WIPI1: variants seen among roughly 807,000 people sequenced by gnomAD.
WIPI1 encodes the protein WD repeat domain, phosphoinositide interacting 1.
WIPI1 carries 45 observed loss-of-function variants against 55.3 expected under a neutral mutation model. The ratio of observed to expected loss-of-function variants is 0.81; its 90% CI spans 0.64 to 1.04. WIPI1 has a LOEUF of 1.04. Ranked by LOEUF, WIPI1 falls within the 50% of genes least tolerant of loss-of-function variation. The pLI is 0.00. For synonymous variants in WIPI1, 195 were observed against 217.6 expected (o/e 0.90, Z 0.92); for missense variants, 445 against 559.0 (o/e 0.80, Z 2.06).
In WIPI1 at chr17:68,450,718, C is replaced by T; in HGVS notation, c.333+10G>A. 1 of 1,602,042 alleles carries T rather than the reference C, an allele frequency of 6.2e-7. No individual in the cohort carries two copies. The highest frequency in any genetic ancestry group is 1.1e-5 in the South Asian group (1 of 89,078). ...GAAGCTTTGAAACCCTGAGGGATTT[C>T]CCCACTTACTTGCCGGTTCAGCCTT... On this transcript the variant is annotated intron_variant, in intron 3 of 12. Transcript: ENST00000262139.
rs370623232 is a variant in WIPI1 at position 68,426,070 on chromosome 17, C to T, written c.1293+5G>A. 6.2e-7 allele frequency: 1 copy of T among 1,612,768 alleles called. No individual in the cohort carries two copies. The highest frequency in any genetic ancestry group is 1.7e-5 in the Admixed American group (1 of 60,026). On this transcript the variant is annotated splice_donor_5th_base_variant and intron_variant, in intron 12 of 12. Coordinates refer to ENST00000262139, the MANE Select transcript of WIPI1 (RefSeq NM_017983.7). ...GCCGCCCAGTTACGGGTTCCTAATG[C>T]TCACAGGAGGAAACTCATTCTCATC...
chr17:68,421,505 C>G lies in WIPI1; in HGVS notation c.*268G>C. 2.1e-6 allele frequency: 1 copy of G among 473,050 alleles called. No homozygotes were observed. Among genetic ancestry groups the G allele is most frequent in the East Asian group, 3.4e-5 (1 of 29,658 alleles). 29.3% of individuals were successfully genotyped at this position (473,050 alleles called of 1,614,324 possible). On this transcript the variant is annotated 3_prime_UTR_variant, in exon 13 of 13. Transcript: ENST00000262139. ...TTTAATATAAAATTCCGGTTATATA[C>G]CAATATGGTTAATTAGCATTTACAC...
intron 12 of WIPI1, chr17:68,422,039 G>A: frequency 1.7e-6 from 1 of 587,900 alleles, no homozygotes; most frequent in Non-Finnish European, 3.0e-6. Context: ...CTATAAAAAT[G>A]TCTCTGTGTG....
chr17:68,426,043 G>A, intron 12 of WIPI1, 32 bp downstream of exon 12: 1 of 1,590,440 alleles, frequency 6.3e-7, no homozygotes, highest in Non-Finnish European at 8.6e-7. Context: ...CACACAGACT[G>A]AGCCGCCCAG....
intron 11 of WIPI1, 79 bp from the exon 12 acceptor site, chr17:68,426,254 G>GCCCCC: frequency 2.4e-6 from 2 of 816,910 alleles, no homozygotes; most frequent in Non-Finnish European, 3.9e-6. Context: ...GGGAGCGGGG[G>GCCCCC]CTCAAATAAA....
At chr17:68,450,636 G>C in intron 3 of WIPI1, 92 bp downstream of exon 3, 1 of 1,476,184 alleles carries the variant, frequency 6.8e-7, no homozygotes, top group Non-Finnish European at 9.1e-7. Context: ...TTGGAAGCTT[G>C]TTTTACAGAC....
chr17:68,428,041 A>G (rs11077553), intron 10 of WIPI1, among the ~76,000 whole-genome samples: 121,062 of 151,928 alleles, frequency 0.8, 48,291 homozygotes, highest in African/African-American at 0.83. Context: ...CAAGGCATGT[A>G]CCACCATGCC....
chr17:68,450,585 C>A, intron 3 of WIPI1, 143 bp downstream of exon 3: 2 of 1,123,212 alleles, frequency 1.8e-6, no homozygotes, highest in Non-Finnish European at 2.5e-6. Flanking sequence ...TTTACAATAC[C>A]CCCGGGACAC....
In WIPI1 at chr17:68,457,480, GC is replaced by G. The variant is rs1409761226; in HGVS notation, c.-60del. On this transcript the variant is annotated 5_prime_UTR_variant, in exon 1 of 13. Coordinates refer to ENST00000262139, the MANE Select transcript of WIPI1 (RefSeq NM_017983.7). Reference sequence around the variant, plus strand: ...CCGGCGACAGCCACCTCAGCAGCCCGCCCGCGCCGGCTCCACGGGCCGGGTC... The same window carrying G: ...CCGGCGACAGCCACCTCAGCAGCCCGCCGCGCCGGCTCCACGGGCCGGGTC... The G allele has an allele frequency of 7.5e-7, 1 of 1,340,450 alleles. No homozygotes were observed. The highest frequency in any genetic ancestry group is 4.2e-5 in the Admixed American group (1 of 24,004). The allele number at this position is 1,340,450 out of a possible 1,614,324, so 83.0% of individuals were successfully genotyped here.
chr17:68,451,421 A>G (rs1235641282), intron 2 of WIPI1, among the ~76,000 whole-genome samples: 2 of 152,228 alleles, frequency 1.3e-5, no homozygotes, highest in Admixed American at 1.3e-4. Context: ...GCGACAAGCA[A>G]GACTCCGTCT....
At chr17:68,456,778 G>C (rs780719809) in intron 1 of WIPI1, among the ~76,000 whole-genome samples, 1 of 152,226 alleles carries the variant, frequency 6.6e-6, no homozygotes, top group South Asian at 2.1e-4. Context: ...GAGCGGGCAG[G>C]CACGATGCCC....
chr17:68,434,507 G>A (rs748933401), intron 7 of WIPI1, 49 bp downstream of exon 7: 2 of 1,602,440 alleles, frequency 1.2e-6, no homozygotes, highest in Admixed American at 1.7e-5. Context: ...AGCGGTCCCT[G>A]CGGGACTTCT....
chr17:68,435,675 A>G lies in WIPI1; in HGVS notation c.566T>C (p.Leu189Pro). Reference protein sequence around the residue: ...VCTIAAHEGTLAAITFNASGS... With the variant: ...VCTIAAHEGTPAAITFNASGS... ...TGAGGCATTGAAGGTGATGGCAGCT[A>G]GTGTTCCCTCATGGGCAGCAATAGT... The change falls in exon 6 of 13, where the codon CTA becomes CCA. Residue 189 changes from leucine (L) to proline (P), a missense_variant. Physicochemically the swap from Leu to Pro is moderately conservative, Grantham distance 98. Transcript: ENST00000262139. 1 of 1,614,224 alleles carries G rather than the reference A, an allele frequency of 6.2e-7. No homozygotes were observed. Among genetic ancestry groups the G allele is most frequent in the Non-Finnish European group, 8.5e-7 (1 of 1,180,020 alleles).
At chr17:68,424,017 A>C (rs1331838737) in intron 12 of WIPI1, among the ~76,000 whole-genome samples, 2 of 152,318 alleles carry the variant, frequency 1.3e-5, no homozygotes, top group Non-Finnish European at 1.5e-5. Flanking sequence ...TCTGACCTAG[A>C]GTGCTCTGGA....
intron 4 of WIPI1, among the ~76,000 whole-genome samples, chr17:68,441,427 C>G (rs565349289): frequency 6.6e-6 from 1 of 152,358 alleles, no homozygotes; most frequent in African/African-American, 2.4e-5. Context: ...GTGATTGTGT[C>G]TTCCTTCTGT....
rs930384884 is a variant in WIPI1 at position 68,453,140 on chromosome 17, T to C, written c.81-148A>G. On this transcript the variant is annotated intron_variant, in intron 1 of 12. Coordinates refer to ENST00000262139, the MANE Select transcript of WIPI1 (RefSeq NM_017983.7). The stretch of plus-strand genomic sequence containing the variant: ...AGATCCTTGGTAACTTCCTAAATGG[T>C]GACGCATGTCTTGACAGGCAGGAAG... 7 of 577,352 alleles carry C rather than the reference T, an allele frequency of 1.2e-5. No homozygotes were observed. The African/African-American group carries it at 1.3e-4, about 11-fold the overall frequency. The allele number at this position is 577,352 out of a possible 1,614,324, so 35.8% of individuals were successfully genotyped here. A position where few individuals can be genotyped will look rare whatever the true frequency, so the allele number is the denominator to read the frequency against.
intron 12 of WIPI1, among the ~76,000 whole-genome samples, chr17:68,425,095 C>T (rs986042725): frequency 5.9e-5 from 9 of 152,318 alleles, no homozygotes; most frequent in East Asian, 1.9e-4. Context: ...CAGCCAGCCC[C>T]GAGGGCCCTA....
rs181918317 is a variant in WIPI1 at position 68,421,647 on chromosome 17, G to A, written c.*126C>T. The A allele has an allele frequency of 3.6e-6, 5 of 1,386,514 alleles. No homozygotes were observed. In the East Asian group the frequency reaches 1.1e-4, roughly 32 times the overall value. 85.9% of individuals were successfully genotyped at this position (1,386,514 alleles called of 1,614,324 possible). On this transcript the variant is annotated 3_prime_UTR_variant, in exon 13 of 13. Coordinates refer to ENST00000262139, the MANE Select transcript of WIPI1 (RefSeq NM_017983.7). ...TTAACCAGGTCCTGTGGTTTAAGCA[G>A]TGGAGCACCCGGGATTCCTGCCCCC...
chr17:68,454,064 TA>T (rs980950360), intron 1 of WIPI1, among the ~76,000 whole-genome samples: 16 of 152,180 alleles, frequency 1.1e-4, no homozygotes, highest in African/African-American at 2.2e-4. Flanking sequence ...AAGTGCCTCT[TA>T]AAAAAAATCT....
Sources: gnomAD v4.1 joint callset for allele counts (sites outside exome capture counted in the v4.1 genomes callset) on GRCh38, gnomAD v4.1.1 for gene constraint, MANE v1.5 for transcripts, NCBI Gene and HGNC (gene_info 2026-07-23, HGNC 2026-07-21) for gene names.